The following NTM variants were observed in gnomAD, a reference collection of about 807,000 sequenced individuals.
NTM encodes the protein neurotrimin, also known as IgLON family member 2.
NTM carries 13 observed loss-of-function variants against 42.1 expected under a neutral mutation model. That is an observed-to-expected ratio of 0.31 (90% CI 0.20 to 0.49). The LOEUF (loss-of-function observed/expected upper bound fraction) is 0.49. Among genes scored for constraint, NTM ranks in the 20% least tolerant of loss-of-function variants. The pLI, the probability that NTM is intolerant of heterozygous loss-of-function variation, is 0.99. For synonymous variants in NTM, 187 were observed against 179.2 expected, an observed-to-expected ratio of 1.04 and a Z score of -0.35; for missense variants, 373 against 452.8, an observed-to-expected ratio of 0.82 and a Z score of 1.60.
intron 1 of NTM, among the ~76,000 whole-genome samples, chr11:131,653,014 G>T (rs1387187726): frequency 6.6e-6 from 1 of 152,174 alleles, no homozygotes; most frequent in African/African-American, 2.4e-5. Flanking sequence ...ACCGATCACA[G>T]ACTGTAGCAT....
rs2060209981 is a variant in NTM at position 131,598,917 on chromosome 11, TTC to T, written c.82+228030_82+228031del. 2.9e-5 allele frequency among the ~76,000 whole-genome samples: 4 copies of T among 139,526 alleles called. 1 individual carries two copies. Among genetic ancestry groups the T allele is most frequent in the African/African-American group, 1.1e-4 (4 of 35,424 alleles). The allele number at this position is 139,526 out of a possible 152,430, so 91.5% of individuals were successfully genotyped here. On this transcript the variant is annotated intron_variant, in intron 1 of 8. Transcript: ENST00000683400. ...CTTCCTTCCTTCCTTCCTTCCTTCC[TTC>T]CTTCTTTCCTTTCAGACAGAGTCTC...
intron 1 of NTM, among the ~76,000 whole-genome samples, chr11:131,406,020 C>G (rs1945779303): frequency 6.6e-6 from 1 of 152,186 alleles, no homozygotes; most frequent in Admixed American, 6.6e-5. Context: ...CCTTCTCTAT[C>G]AGGTATTCTG....
chr11:131,395,547 A>G (rs946075729), intron 1 of NTM, among the ~76,000 whole-genome samples: 34 of 152,222 alleles, frequency 2.2e-4, no homozygotes, highest in African/African-American at 8.2e-4. Flanking sequence ...TCCTGTGGCT[A>G]TTTATAATTA....
At chr11:131,674,227 G>A (rs1013144676) in intron 1 of NTM, among the ~76,000 whole-genome samples, 16 of 152,194 alleles carry the variant, frequency 1.1e-4, no homozygotes, top group Admixed American at 3.9e-4. Context: ...CTTGGCCACC[G>A]CCTACACTGA....
chr11:131,988,480 G>A (rs1470534578), intron 2 of NTM, among the ~76,000 whole-genome samples: 2 of 152,160 alleles, frequency 1.3e-5, no homozygotes, highest in Non-Finnish European at 2.9e-5. Flanking sequence ...GGATTTGTAA[G>A]TTACAATGGA....
chr11:132,329,203 C>T (rs1011954505), intron 7 of NTM, among the ~76,000 whole-genome samples: 6 of 152,206 alleles, frequency 3.9e-5, no homozygotes, highest in Admixed American at 3.3e-4. Flanking sequence ...AGAACACAGA[C>T]TCCCAAGGCA....
At chr11:132,163,166 T>A (rs1349726985) in intron 3 of NTM, among the ~76,000 whole-genome samples, 1 of 152,148 alleles carries the variant, frequency 6.6e-6, no homozygotes, top group Non-Finnish European at 1.5e-5. Flanking sequence ...AAAAAGGGAT[T>A]TCCTGGAACA....
intron 2 of NTM, among the ~76,000 whole-genome samples, chr11:131,961,908 G>A (rs1379892906): frequency 6.6e-6 from 1 of 152,132 alleles, no homozygotes; most frequent in Non-Finnish European, 1.5e-5. Context: ...CCTAGTCTAG[G>A]AAGGCGGACA....
At chr11:131,849,942 G>GTACA (rs1308529513) in intron 1 of NTM, among the ~76,000 whole-genome samples, 1 of 147,918 alleles carries the variant, frequency 6.8e-6, no homozygotes, top group Non-Finnish European at 1.5e-5. Flanking sequence ...TGCACTTTGT[G>GTACA]TACATGTACC....
chr11:131,830,293 T>C (rs1325721780), intron 1 of NTM, among the ~76,000 whole-genome samples: 1 of 152,218 alleles, frequency 6.6e-6, no homozygotes, highest in East Asian at 1.9e-4. Context: ...AGCATTCTTA[T>C]AGTTTGATGT....
intron 1 of NTM, among the ~76,000 whole-genome samples, chr11:131,489,183 C>T (rs1954504888): frequency 6.6e-6 from 1 of 152,120 alleles, no homozygotes; most frequent in African/African-American, 2.4e-5. Context: ...TGGTTGATTC[C>T]ACCTTCTGGC....
At chr11:131,733,916 T>C (rs2080071317) in intron 1 of NTM, among the ~76,000 whole-genome samples, 1 of 152,218 alleles carries the variant, frequency 6.6e-6, no homozygotes, top group Non-Finnish European at 1.5e-5. Flanking sequence ...ATATTGTTGA[T>C]CATTAAGATA....
At chr11:131,495,494 C>A (rs1333169908) in intron 1 of NTM, among the ~76,000 whole-genome samples, 5 of 152,252 alleles carry the variant, frequency 3.3e-5, no homozygotes, top group Non-Finnish European at 5.9e-5. Flanking sequence ...GCCCCACTAA[C>A]TTTCCTCTCC....
intron 1 of NTM, among the ~76,000 whole-genome samples, chr11:131,655,597 C>A (rs1390191745): frequency 1.3e-5 from 2 of 152,168 alleles, no homozygotes; most frequent in African/African-American, 2.4e-5. Flanking sequence ...GCTTGGCCTG[C>A]TGGTGAGCTG....
intron 2 of NTM, among the ~76,000 whole-genome samples, chr11:131,982,750 G>A (rs1027040116): frequency 6.6e-6 from 1 of 152,190 alleles, no homozygotes; most frequent in Non-Finnish European, 1.5e-5. Flanking sequence ...GTGCCCACTG[G>A]CTTTAAAATC....
In NTM at chr11:131,444,534, G is replaced by T. The variant is rs559913085; in HGVS notation, c.82+73646G>T. The stretch of plus-strand genomic sequence containing the variant: ...GAAATAGAAAGGGAAAGAGATCATG[G>T]ACTATGTTTTGAGAAGAATGAATTG... On this transcript the variant is annotated intron_variant, in intron 1 of 8. Transcript: ENST00000683400. 2.6e-5 allele frequency among the ~76,000 whole-genome samples: 4 copies of T among 152,224 alleles called. No homozygotes were observed. The South Asian group carries it at 8.3e-4, about 32-fold the overall frequency.
chr11:131,853,024 C>T (rs749717077), intron 1 of NTM, among the ~76,000 whole-genome samples: 30 of 151,354 alleles, frequency 2.0e-4, no homozygotes, highest in Non-Finnish European at 2.9e-4. Flanking sequence ...TATTCTCCCA[C>T]GCACCCATCC....
At chr11:132,046,770 A>G (rs1458801787) in intron 2 of NTM, among the ~76,000 whole-genome samples, 2 of 152,218 alleles carry the variant, frequency 1.3e-5, no homozygotes, top group Admixed American at 6.5e-5. Context: ...GGTGAGGAAC[A>G]GAGATCACAG....
chr11:132,163,366 A>G (rs2074722236), intron 3 of NTM, among the ~76,000 whole-genome samples: 1 of 152,210 alleles, frequency 6.6e-6, no homozygotes, highest in South Asian at 2.1e-4. Context: ...TTTAGAGGCA[A>G]CTGTAGGAAA....
Sources: allele counts gnomAD v4.1 joint callset (sites outside exome capture counted in the v4.1 genomes callset), GRCh38; gene constraint gnomAD v4.1.1; transcripts MANE v1.5; gene names NCBI Gene and HGNC (gene_info 2026-07-23, HGNC 2026-07-21).